Variants in HNRNPC observed in about 807,000 individuals in gnomAD.
HNRNPC encodes heterogeneous nuclear ribonucleoproteins C1/C2.
A neutral mutation model predicts 33.2 loss-of-function variants in HNRNPC; 3 were observed. The ratio of observed to expected loss-of-function variants is 0.09; its 90% confidence interval spans 0.04 to 0.23. HNRNPC has a LOEUF of 0.23. Among genes scored for constraint, HNRNPC ranks in the 10% least tolerant of loss-of-function variants. The pLI is 1.00. For missense variants in HNRNPC, 143 were observed against 366.7 expected (o/e 0.39, Z 4.98); for synonymous variants, 121 against 126.7 (o/e 0.96, Z 0.30).
intron 5 of HNRNPC, among the ~76,000 whole-genome samples, chr14:21,214,158 A>G (rs1891908274): frequency 1.3e-5 from 2 of 152,208 alleles, no homozygotes; most frequent in African/African-American, 2.4e-5. Context: ...ACTTAATGCA[A>G]AGGCCCAGGT....
intron 5 of HNRNPC, among the ~76,000 whole-genome samples, 153 bp downstream of exon 5, chr14:21,230,166 T>C (rs186712983): frequency 6.6e-6 from 1 of 152,270 alleles, no homozygotes; most frequent in Admixed American, 6.5e-5. Flanking sequence ...TACCTAATAA[T>C]CTACTTAATG....
intron 2 of HNRNPC, among the ~76,000 whole-genome samples, chr14:21,242,467 G>C (rs1895468605): frequency 6.6e-6 from 1 of 152,230 alleles, no homozygotes; most frequent in Admixed American, 6.5e-5. Flanking sequence ...CTGGTCGTCA[G>C]TGCAAGACTC....
chr14:21,240,470 G>C (rs1351538469), intron 2 of HNRNPC, among the ~76,000 whole-genome samples: 2 of 152,078 alleles, frequency 1.3e-5, no homozygotes, highest in Admixed American at 1.3e-4. Context: ...AATTCTACTT[G>C]GAAAAGGTAC....
At chr14:21,260,015 C>T (rs1341846720) in intron 2 of HNRNPC, among the ~76,000 whole-genome samples, 1 of 149,348 alleles carries the variant, frequency 6.7e-6, no homozygotes, top group Non-Finnish European at 1.5e-5. Context: ...CCGGCTAAAA[C>T]GGTGAAACCC....
intron 5 of HNRNPC, among the ~76,000 whole-genome samples, chr14:21,222,218 CTG>C (rs1420530959): frequency 1.3e-5 from 2 of 152,106 alleles, no homozygotes; most frequent in African/African-American, 2.4e-5. Context: ...TTCCACATGA[CTG>C]ATGGGAATAT....
chr14:21,264,005 T>A (rs1394030347), intron 1 of HNRNPC: 1 of 152,210 alleles, frequency 6.6e-6, no homozygotes, highest in African/African-American at 2.4e-5. Context: ...TCTTCACAAT[T>A]CTTCAACATC....
chr14:21,259,609 C>G (rs984692944), intron 2 of HNRNPC, among the ~76,000 whole-genome samples: 7 of 152,182 alleles, frequency 4.6e-5, no homozygotes, highest in Non-Finnish European at 1.0e-4. Context: ...AACCAGCAAT[C>G]ATGCCAAATC....
At chr14:21,242,953 C>A (rs1895532496) in intron 2 of HNRNPC, among the ~76,000 whole-genome samples, 1 of 152,126 alleles carries the variant, frequency 6.6e-6, no homozygotes, top group African/African-American at 2.4e-5. Flanking sequence ...GGTGAAACCC[C>A]ATCTCTACTA....
intron 2 of HNRNPC, among the ~76,000 whole-genome samples, chr14:21,253,461 CAAAAAAAAAA>C (rs71112561): frequency 1.3e-5 from 1 of 77,254 alleles, no homozygotes; most frequent in African/African-American, 5.2e-5. Flanking sequence ...GACTCCATCT[CAAAAAAAAAA>C]AAAAAAAAAA....
chr14:21,253,461 C>CAAAAA (rs71112561), intron 2 of HNRNPC, among the ~76,000 whole-genome samples: 25 of 77,234 alleles, frequency 3.2e-4, no homozygotes, highest in South Asian at 1.0e-3. Flanking sequence ...GACTCCATCT[C>CAAAAA]AAAAAAAAAA....
chr14:21,244,478 T>A (rs959155891), intron 2 of HNRNPC, among the ~76,000 whole-genome samples: 1 of 152,240 alleles, frequency 6.6e-6, no homozygotes, highest in African/African-American at 2.4e-5. Flanking sequence ...ATTTAAGGTA[T>A]CCTTTCTCAC....
At chr14:21,239,852 C>T (rs892877448) in intron 2 of HNRNPC, among the ~76,000 whole-genome samples, 1 of 152,050 alleles carries the variant, frequency 6.6e-6, no homozygotes, top group African/African-American at 2.4e-5. Context: ...CCAGCCTTGG[C>T]AACCGTGTGA....
chr14:21,256,718 G>A (rs151005366), intron 2 of HNRNPC, among the ~76,000 whole-genome samples: 5 of 151,874 alleles, frequency 3.3e-5, no homozygotes, highest in Non-Finnish European at 5.9e-5. Context: ...GTGCGGGTGC[G>A]ATCTCGGCTC....
intron 3 of HNRNPC, chr14:21,231,494 C>A (rs1894110899): frequency 7.0e-6 from 3 of 425,554 alleles, no homozygotes; most frequent in Admixed American, 5.4e-5. Flanking sequence ...ACCACCACGC[C>A]TGGTTAATTT....
intron 3 of HNRNPC, among the ~76,000 whole-genome samples, chr14:21,233,613 T>A (rs931266950): frequency 3.3e-5 from 5 of 152,076 alleles, no homozygotes; most frequent in African/African-American, 1.2e-4. Context: ...GAAATCCCAA[T>A]GGGGAGACAA....
chr14:21,250,712 G>A (rs1202822685), intron 2 of HNRNPC, among the ~76,000 whole-genome samples: 1 of 152,128 alleles, frequency 6.6e-6, no homozygotes, highest in Non-Finnish European at 1.5e-5. Flanking sequence ...AGTAAATGTG[G>A]CTACACTGTA....
At chr14:21,263,208 G>A (rs954833146) in intron 2 of HNRNPC, 103 bp downstream of exon 2, 1 of 151,990 alleles carries the variant, frequency 6.6e-6, no homozygotes, top group Non-Finnish European at 1.5e-5. Flanking sequence ...ACCATCATAA[G>A]TATTAATATA....
intron 2 of HNRNPC, chr14:21,234,890 C>T (rs1270313005): frequency 1.4e-5 from 2 of 141,028 alleles, no homozygotes; most frequent in African/African-American, 4.9e-5. Flanking sequence ...GTATCAATAC[C>T]ATCTTTTTAC....
chr14:21,212,894 A>T, intron 6 of HNRNPC, 66 bp downstream of exon 6: 2 of 1,579,444 alleles, frequency 1.3e-6, no homozygotes, highest in Non-Finnish European at 1.7e-6. Flanking sequence ...AAATATTGTA[A>T]CTGCATTAGC....
Sources: allele counts gnomAD v4.1 joint callset (sites outside exome capture counted in the v4.1 genomes callset), GRCh38; gene constraint gnomAD v4.1.1; transcripts MANE v1.5; gene names NCBI Gene and HGNC (gene_info 2026-07-23, HGNC 2026-07-21).